Variants in MMP26 observed in about 807,000 individuals in gnomAD.
The protein encoded by MMP26 is matrix metallopeptidase 26.
Under a neutral mutation model 31.0 loss-of-function variants are expected in MMP26, and 33 were observed. The ratio of observed to expected loss-of-function variants is 1.06; its 90% confidence interval spans 0.81 to 1.42. MMP26 has a LOEUF of 1.42. MMP26 is among the 40% of genes most tolerant of loss of function. The pLI, the probability that MMP26 is intolerant of heterozygous loss-of-function variation, is 0.00. For synonymous variants in MMP26, 122 were observed against 114.9 expected (o/e 1.06, Z -0.40); for missense variants, 347 against 316.1 (o/e 1.10, Z -0.74).
At chr11:4,989,580 C>T in intron 3 of MMP26, 68 bp from the exon 4 acceptor site, 1 of 1,300,596 alleles carries the variant, frequency 7.7e-7, no homozygotes, top group South Asian at 1.3e-5. Context: ...GAAGGCTATG[C>T]CCAGGGTAAC....
chr11:4,758,466 G>GAAAAA (rs376347621), intron 1 of MMP26, among the ~76,000 whole-genome samples: 2 of 93,344 alleles, frequency 2.1e-5, no homozygotes, highest in South Asian at 3.9e-4. Context: ...CATCCATTTG[G>GAAAAA]AAAAAAAAAA....
At chr11:4,888,241 A>G (rs992109696) in intron 2 of MMP26, among the ~76,000 whole-genome samples, 4 of 152,160 alleles carry the variant, frequency 2.6e-5, no homozygotes, top group African/African-American at 9.6e-5. Context: ...TCTACTACTA[A>G]GTACTCACAA....
intron 2 of MMP26, among the ~76,000 whole-genome samples, chr11:4,808,701 A>G (rs751658965): frequency 4.7e-5 from 7 of 150,528 alleles, no homozygotes; most frequent in African/African-American, 7.4e-5. Context: ...CCATGAAGTT[A>G]TGTCTCTCAG....
At chr11:4,848,916 T>C (rs1006064767) in intron 2 of MMP26, 1 of 1,613,854 alleles carries the variant, frequency 6.2e-7, no homozygotes, top group African/African-American at 1.3e-5. Flanking sequence ...AGGGACAGTG[T>C]GAGCACCAGC....
rs555400756 is a variant in MMP26, at chr11:4,758,782, A to G, written c.-216-8488A>G. Among the ~76,000 whole-genome samples the G allele has an allele frequency of 9.2e-5, 14 of 152,288 alleles. No homozygotes were observed. The East Asian group carries it at 2.1e-3, about 23-fold the overall frequency. ...ATATTTGAAGCATATATAACATTCA[A>G]TTGAATAATGTGTTTACTATACGAC... On this transcript the variant is annotated intron_variant, in intron 1 of 7. Coordinates refer to ENST00000380390, the MANE Select transcript of MMP26 (RefSeq NM_021801.5).
At chr11:4,888,530 G>C (rs1267161666) in intron 2 of MMP26, among the ~76,000 whole-genome samples, 2 of 152,020 alleles carry the variant, frequency 1.3e-5, no homozygotes, top group South Asian at 4.1e-4. Flanking sequence ...AAGAATATCA[G>C]TGCTTTAAAA....
At chr11:4,828,394 T>A (rs770184394) in intron 2 of MMP26, among the ~76,000 whole-genome samples, 6 of 152,300 alleles carry the variant, frequency 3.9e-5, no homozygotes, top group Non-Finnish European at 8.8e-5. Flanking sequence ...TCTATTTTGG[T>A]CATCTGTGTT....
At chr11:4,944,882 C>T (rs1489587546) in intron 2 of MMP26, 2 of 151,888 alleles carry the variant, frequency 1.3e-5, no homozygotes, top group African/African-American at 4.8e-5. Context: ...TATTACTGAA[C>T]TCCTCAGTGA....
chr11:4,902,783 G>A (rs1438792288), intron 2 of MMP26, among the ~76,000 whole-genome samples: 1 of 152,088 alleles, frequency 6.6e-6, no homozygotes, highest in Non-Finnish European at 1.5e-5. Flanking sequence ...TTATCTTATG[G>A]GAGTTGATCG....
intron 1 of MMP26, among the ~76,000 whole-genome samples, chr11:4,753,744 A>G (rs1848475125): frequency 6.6e-6 from 1 of 152,134 alleles, no homozygotes; most frequent in Non-Finnish European, 1.5e-5. Flanking sequence ...CATTTACCTA[A>G]GAATTCACCC....
rs114012042 is a variant in MMP26, at chr11:4,860,270, A to T, written c.-145+92929A>T. On this transcript the variant is annotated intron_variant, in intron 2 of 7. Coordinates refer to ENST00000380390, the MANE Select transcript of MMP26 (RefSeq NM_021801.5). ...TGGATGAAGAACATCTGCATGATGC[A>T]TGCATCAAAAACAATCTGAGGGGCA... 354 of 471,368 alleles carry T rather than the reference A, an allele frequency of 7.5e-4. 1 individual carries two copies. Among genetic ancestry groups the T allele is most frequent in the African/African-American group, 6.5e-3 (328 of 50,180 alleles). The allele number at this position is 471,368 out of a possible 1,614,324, so 29.2% of individuals were successfully genotyped here. A position where few individuals can be genotyped will look rare whatever the true frequency, so the allele number is the denominator to read the frequency against.
At chr11:4,982,763 ACT>A (rs1249094166) in intron 2 of MMP26, among the ~76,000 whole-genome samples, 2 of 152,000 alleles carry the variant, frequency 1.3e-5, no homozygotes. Context: ...TTCTTACTTC[ACT>A]CTCTGTTCTT....
At chr11:4,983,472 T>C (rs1259233191) in intron 2 of MMP26, among the ~76,000 whole-genome samples, 1 of 152,196 alleles carries the variant, frequency 6.6e-6, no homozygotes, top group East Asian at 1.9e-4. Flanking sequence ...ACAGAAAAAG[T>C]GGCCGTGCAG....
At chr11:4,848,804 G>A in intron 2 of MMP26, 4 of 1,614,108 alleles carry the variant, frequency 2.5e-6, no homozygotes, top group Non-Finnish European at 3.4e-6. Context: ...GGAGAGGTCG[G>A]CAGATGGCCA....
chr11:4,960,601 G>T (rs1846507858), intron 2 of MMP26, among the ~76,000 whole-genome samples: 1 of 150,650 alleles, frequency 6.6e-6, no homozygotes, highest in Non-Finnish European at 1.5e-5. Context: ...TCTGCAATTG[G>T]ATCTGATCAT....
intron 2 of MMP26, chr11:4,923,924 G>T: frequency 6.2e-7 from 1 of 1,614,162 alleles, no homozygotes; most frequent in Middle Eastern, 1.7e-4. Context: ...ACATGCAGGT[G>T]TCAGGACGGT....
Position 4,948,953 on chromosome 11 carries a change from G to A in MMP26, c.-144-39115G>A, listed in dbSNP as rs1846345979. Among the ~76,000 whole-genome samples, 2 of 124,286 alleles carry A rather than the reference G, an allele frequency of 1.6e-5. 1 individual carries two copies. The highest frequency in any genetic ancestry group is 1.8e-4 in the Admixed American group (2 of 11,076). The allele number at this position is 124,286 out of a possible 152,430, so 81.5% of individuals were successfully genotyped here. On this transcript the variant is annotated intron_variant, in intron 2 of 7. Transcript: ENST00000380390. Reference sequence around the variant, plus strand: ...GGTACTTCTTATTAAAGAGATAGCAGAAAGTTTGTGTATGTTTGTGTGTGT... The same window carrying A: ...GGTACTTCTTATTAAAGAGATAGCAAAAAGTTTGTGTATGTTTGTGTGTGT...
chr11:4,970,227 G>T (rs1846647734), intron 2 of MMP26, among the ~76,000 whole-genome samples: 1 of 152,106 alleles, frequency 6.6e-6, no homozygotes, highest in African/African-American at 2.4e-5. Context: ...GACAAAAATG[G>T]AATAAATTGA....
At chr11:4,877,049 C>T (rs1850390475) in intron 2 of MMP26, 1 of 152,642 alleles carries the variant, frequency 6.6e-6, no homozygotes, top group South Asian at 2.1e-4. Context: ...TGCCTTTTCT[C>T]ATCAAAAGGT....
Sources: gnomAD v4.1 joint callset for allele counts (sites outside exome capture counted in the v4.1 genomes callset) on GRCh38, gnomAD v4.1.1 for gene constraint, MANE v1.5 for transcripts, NCBI Gene and HGNC (gene_info 2026-07-23, HGNC 2026-07-21) for gene names.